HACD3: variants seen among roughly 807,000 people sequenced by gnomAD.
HACD3 encodes 3-hydroxyacyl-CoA dehydratase 3, also known as very-long-chain (3R)-3-hydroxyacyl-CoA dehydratase 3.
HACD3 carries 30 observed loss-of-function variants against 55.2 expected under a neutral mutation model. The observed-to-expected ratio is 0.54, with a 90% CI of 0.41 to 0.74. HACD3 has a LOEUF of 0.74. Among genes scored for constraint, HACD3 ranks in the 30% least tolerant of loss-of-function variants. The pLI, the probability that HACD3 is intolerant of heterozygous loss-of-function variation, is 0.00. For missense variants in HACD3, 363 were observed against 440.1 expected, an observed-to-expected ratio of 0.82 and a Z score of 1.57; for synonymous variants, 141 against 151.7, an observed-to-expected ratio of 0.93 and a Z score of 0.52.
intron 4 of HACD3, among the ~76,000 whole-genome samples, chr15:65,557,659 C>G (rs2072206732): frequency 6.6e-6 from 1 of 152,004 alleles, no homozygotes; most frequent in Admixed American, 6.6e-5. Context: ...TGCTTCCTGT[C>G]CTTTAGATGG....
At chr15:65,576,044 A>C (rs182480060) in intron 10 of HACD3, among the ~76,000 whole-genome samples, 634 of 152,338 alleles carry the variant, frequency 4.2e-3, no homozygotes, top group Non-Finnish European at 7.4e-3. Flanking sequence ...CAGTGAGCTG[A>C]GATTGTGCCA....
intron 1 of HACD3, among the ~76,000 whole-genome samples, chr15:65,551,292 A>G (rs1325366381): frequency 1.3e-5 from 2 of 152,202 alleles, no homozygotes; most frequent in African/African-American, 4.8e-5. Context: ...TTCTCACAGA[A>G]AGTGCCTCAT....
intron 7 of HACD3, among the ~76,000 whole-genome samples, chr15:65,568,857 C>T (rs1412686969): frequency 6.6e-6 from 1 of 152,130 alleles, no homozygotes; most frequent in Non-Finnish European, 1.5e-5. Context: ...AACCCAGAAA[C>T]AGACAACCCA....
chr15:65,558,569 A>G (rs904503637), intron 4 of HACD3, 111 bp from the exon 5 acceptor site: 8 of 989,068 alleles, frequency 8.1e-6, no homozygotes, highest in Non-Finnish European at 1.3e-5. Flanking sequence ...ACTGACCCCA[A>G]CTGGAGGAGT....
chr15:65,530,686 C>T lies in HACD3; in HGVS notation c.55C>T (p.Leu19=), dbSNP rs1437545781. Residue 19 remains leucine (L), a synonymous_variant, in exon 1 of 11, where the codon CTA becomes TTA. Transcript: ENST00000261875. ...CTACTGGGCTCAGCGACACCGCGAG[C>T]TATATCTGCGCGTGGAGCTGAGTGA... ...HVYWAQRHRE[L]YLRVELSDVQ... is the part of the protein sequence containing the mutation. 2.5e-6 allele frequency: 4 copies of T among 1,578,132 alleles called. No individual in the cohort carries two copies. In the East Asian group the frequency reaches 9.4e-5, roughly 37 times the overall value.
chr15:65,562,339 A>G (rs538433240), intron 5 of HACD3, among the ~76,000 whole-genome samples: 31 of 152,342 alleles, frequency 2.0e-4, no homozygotes, highest in Non-Finnish European at 4.1e-4. Context: ...AAAGGAAGGC[A>G]GGGAAGGTCA....
At chr15:65,551,894 T>A in intron 2 of HACD3, 176 bp downstream of exon 2, 1 of 633,690 alleles carries the variant, frequency 1.6e-6, no homozygotes. Flanking sequence ...AGTCAAAGAA[T>A]TGGTTTAAAA....
intron 7 of HACD3, among the ~76,000 whole-genome samples, chr15:65,568,578 T>C (rs142216276): frequency 0.063 from 9,504 of 151,350 alleles, 313 homozygotes; most frequent in African/African-American, 0.091. Context: ...AGTCTGGTCT[T>C]GAACTCCTGA....
intron 10 of HACD3, among the ~76,000 whole-genome samples, chr15:65,574,009 T>G (rs923294287): frequency 2.0e-5 from 3 of 152,222 alleles, no homozygotes; most frequent in Non-Finnish European, 2.9e-5. Context: ...AGACTTAAGG[T>G]GGCCCTAAAT....
At chr15:65,573,324 G>C (rs931509823) in intron 10 of HACD3, among the ~76,000 whole-genome samples, 5 of 151,928 alleles carry the variant, frequency 3.3e-5, no homozygotes, top group Admixed American at 3.3e-4. Flanking sequence ...ATTCTTATTA[G>C]AGGCCAGGTA....
rs555275708 is a variant in HACD3, at chr15:65,533,787, C to T, written c.87+3069C>T. ...AGAAAAGCAGCCGGGTGTGGTGGCT[C>T]ATGCCTGTAATCCCAGCACTATGGG... is the stretch of plus-strand genomic sequence containing the variant. On this transcript the variant is annotated intron_variant, in intron 1 of 10. Coordinates refer to ENST00000261875, the MANE Select transcript of HACD3 (RefSeq NM_016395.4). Among the ~76,000 whole-genome samples the T allele has an allele frequency of 2.5e-4, 37 of 149,314 alleles. No individual in the cohort carries two copies. The East Asian group carries it at 3.9e-3, about 16-fold the overall frequency.
intron 4 of HACD3, among the ~76,000 whole-genome samples, chr15:65,557,423 C>T (rs1342253867): frequency 2.0e-5 from 3 of 150,150 alleles, no homozygotes; most frequent in South Asian, 4.2e-4. Flanking sequence ...TGCCGTGAGC[C>T]GAGATCACGC....
intron 1 of HACD3, among the ~76,000 whole-genome samples, chr15:65,537,913 A>C: frequency 7.2e-6 from 1 of 138,206 alleles, no homozygotes; most frequent in Non-Finnish European, 1.5e-5. Flanking sequence ...TTTTAAGCCC[A>C]CTGTTGAGGC....
Position 65,577,989 on chromosome 15 carries a change from C to G in HACD3, c.*1610C>G, listed in dbSNP as rs1596223278. On this transcript the variant is annotated 3_prime_UTR_variant, in exon 11 of 11. Coordinates refer to ENST00000261875, the MANE Select transcript of HACD3 (RefSeq NM_016395.4). ...TTAAGGAGTGATAGCTCTTTCTGTT[C>G]TGCCATTCCCAACATTCCTGGGGGA... 3 of 152,686 alleles carry G rather than the reference C, an allele frequency of 2.0e-5. No homozygotes were observed. The highest frequency in any genetic ancestry group is 7.2e-5 in the African/African-American group (3 of 41,570). The allele number at this position is 152,686 out of a possible 1,614,324, so 9.5% of individuals were successfully genotyped here.
At chr15:65,568,174 G>A (rs1055732026) in intron 7 of HACD3, among the ~76,000 whole-genome samples, 1 of 151,804 alleles carries the variant, frequency 6.6e-6, no homozygotes, top group Non-Finnish European at 1.5e-5. Context: ...TACCCGCCTC[G>A]GCCTTCCAAA....
At position 65,558,667 on chromosome 15, in the gene HACD3, G is replaced by A. The variant is rs776682814; in HGVS notation, c.370-13G>A. 4 of 1,586,946 alleles carry A rather than the reference G, an allele frequency of 2.5e-6. No homozygotes were observed. Among genetic ancestry groups the A allele is most frequent in the African/African-American group, 1.3e-5 (1 of 74,396 alleles). On this transcript the variant is annotated splice_polypyrimidine_tract_variant and intron_variant, in intron 4 of 10. Transcript: ENST00000261875. ...TAACTTGTGTTCTTGGAAAACTTTT[G>A]TCTAAATTCTAGGAAGAAGAGCGCC...
At chr15:65,572,114 G>A in intron 9 of HACD3, 121 bp from the exon 10 acceptor site, 1 of 1,265,792 alleles carries the variant, frequency 7.9e-7, no homozygotes, top group South Asian at 1.3e-5. Flanking sequence ...CTGTACAAAG[G>A]GAGGAGAAAG....
In HACD3 at chr15:65,530,473, A is replaced by C. The variant is rs926012798; in HGVS notation, c.-159A>C. 5.6e-6 allele frequency: 3 copies of C among 537,686 alleles called. No individual in the cohort carries two copies. Among genetic ancestry groups the C allele is most frequent in the Non-Finnish European group, 8.9e-6 (3 of 336,588 alleles). The allele number at this position is 537,686 out of a possible 1,614,324, so 33.3% of individuals were successfully genotyped here. On this transcript the variant is annotated 5_prime_UTR_variant, in exon 1 of 11. Coordinates refer to ENST00000261875, the MANE Select transcript of HACD3 (RefSeq NM_016395.4). The stretch of plus-strand genomic sequence containing the variant: ...CCGCCATCCCGGCGCGTCACTGCGC[A>C]GGCGCGGCCCGCGAGCGTGGGGTAT...
chr15:65,537,707 CGCT>C (rs981471810), intron 1 of HACD3, among the ~76,000 whole-genome samples: 1 of 138,372 alleles, frequency 7.2e-6, no homozygotes, highest in African/African-American at 2.7e-5. Flanking sequence ...GCAGGAGAAT[CGCT>C]TGGATCTGGG....
Sources: allele counts gnomAD v4.1 joint callset (sites outside exome capture counted in the v4.1 genomes callset), GRCh38; gene constraint gnomAD v4.1.1; transcripts MANE v1.5; gene names NCBI Gene and HGNC (gene_info 2026-07-23, HGNC 2026-07-21).